NFX1: variants seen among roughly 807,000 people sequenced by gnomAD.
NFX1 encodes the protein transcriptional repressor NF-X1.
NFX1 carries 69 observed loss-of-function variants against 137.2 expected under a neutral mutation model. The ratio of observed to expected loss-of-function variants is 0.50; its 90% CI spans 0.41 to 0.61. The LOEUF (loss-of-function observed/expected upper bound fraction) is 0.61. NFX1 is among the 20% of genes least tolerant of loss of function. NFX1 has a pLI of 0.00. For synonymous variants in NFX1, 495 were observed against 474.1 expected, an observed-to-expected ratio of 1.04 and a Z score of -0.57; for missense variants, 1,167 against 1,391.0, an observed-to-expected ratio of 0.84 and a Z score of 2.56.
intron 7 of NFX1, among the ~76,000 whole-genome samples, chr9:33,315,730 C>CA (rs11452803): frequency 6.1e-5 from 9 of 147,902 alleles, no homozygotes; most frequent in Middle Eastern, 3.4e-3. Flanking sequence ...CTAACAACAA[C>CA]AAAAAAAAAA....
Position 33,332,454 on chromosome 9 carries a change from C to G in NFX1, c.2005-18C>G, listed in dbSNP as rs768210300. ...GTTATTCCTAAAGTAGTTACCATTTCTTTTTCTTTTTCCATAGGAGCTTCC... is the reference window on the plus strand; with the variant it reads ...GTTATTCCTAAAGTAGTTACCATTTGTTTTTCTTTTTCCATAGGAGCTTCC... On this transcript the variant is annotated intron_variant, in intron 10 of 23. Transcript: ENST00000379540. 3.8e-6 allele frequency: 6 copies of G among 1,590,080 alleles called. No individual in the cohort carries two copies. Among genetic ancestry groups the G allele is most frequent in the African/African-American group, 1.3e-5 (1 of 74,482 alleles).
chr9:33,294,200 A>G (rs1180499285), intron 1 of NFX1, among the ~76,000 whole-genome samples: 1 of 152,200 alleles, frequency 6.6e-6, no homozygotes. Context: ...CTTAGCTGTC[A>G]TTGGCTATTG....
chr9:33,307,692 T>A (rs911745094), intron 5 of NFX1, among the ~76,000 whole-genome samples: 1 of 152,094 alleles, frequency 6.6e-6, no homozygotes, highest in South Asian at 2.1e-4. Flanking sequence ...TCCAAGAGAA[T>A]GTATGGGAGA....
chr9:33,325,749 A>G (rs1344687965), intron 9 of NFX1, among the ~76,000 whole-genome samples: 1 of 152,212 alleles, frequency 6.6e-6, no homozygotes, highest in East Asian at 1.9e-4. Flanking sequence ...GATAAAAACA[A>G]AATTTATTGC....
chr9:33,346,973 A>G, intron 14 of NFX1, 65 bp from the exon 15 acceptor site: 1 of 1,271,720 alleles, frequency 7.9e-7, no homozygotes, highest in South Asian at 1.3e-5. Flanking sequence ...CACTTATATG[A>G]TGTATAATGG....
At position 33,297,390 on chromosome 9, in the gene NFX1, G is replaced by A. The variant is rs577433646; in HGVS notation, c.1033+1963G>A. Among the ~76,000 whole-genome samples the A allele has an allele frequency of 2.6e-4, 39 of 152,302 alleles. No individual in the cohort carries two copies. In the South Asian group the frequency reaches 7.9e-3, roughly 31 times the overall value. On this transcript the variant is annotated intron_variant, in intron 2 of 23. Coordinates refer to ENST00000379540, the MANE Select transcript of NFX1 (RefSeq NM_002504.6). ...AACCTCAATGTATATGTGAAGCAAA[G>A]CAATGTTATACCAGAGTTGTTACTG...
intron 23 of NFX1, among the ~76,000 whole-genome samples, chr9:33,369,156 C>T (rs1824255659): frequency 6.6e-6 from 1 of 152,092 alleles, no homozygotes; most frequent in Non-Finnish European, 1.5e-5. Flanking sequence ...AGCTCCGCCT[C>T]CCGGGTTCAT....
At chr9:33,290,730 G>C (rs935414673) in intron 1 of NFX1, 133 bp downstream of exon 1, 2 of 827,368 alleles carry the variant, frequency 2.4e-6, no homozygotes, top group Non-Finnish European at 3.7e-6. Flanking sequence ...TGGCTCGGAA[G>C]GGCCAAGCCC....
chr9:33,342,076 A>C (rs1587859590), intron 12 of NFX1, among the ~76,000 whole-genome samples: 1 of 151,428 alleles, frequency 6.6e-6, no homozygotes, highest in African/African-American at 2.4e-5. Context: ...AGATCGCACC[A>C]CCACACTCCA....
At chr9:33,300,661 A>T (rs1347799110) in intron 2 of NFX1, among the ~76,000 whole-genome samples, 1 of 152,210 alleles carries the variant, frequency 6.6e-6, no homozygotes, top group Non-Finnish European at 1.5e-5. Flanking sequence ...GATTATTCTG[A>T]TACTACACAC....
At chr9:33,338,062 G>C (rs1376204843) in intron 11 of NFX1, among the ~76,000 whole-genome samples, 2 of 141,044 alleles carry the variant, frequency 1.4e-5, no homozygotes, top group African/African-American at 5.2e-5. Context: ...AAAAAAAAAA[G>C]AAAGCAAAAA....
intron 5 of NFX1, among the ~76,000 whole-genome samples, chr9:33,308,232 A>G (rs1051603396): frequency 6.6e-6 from 1 of 152,212 alleles, no homozygotes; most frequent in African/African-American, 2.4e-5. Flanking sequence ...GCTTGAGGCC[A>G]GGAGTTCTAG....
chr9:33,303,764 C>T (rs147638230), intron 4 of NFX1, among the ~76,000 whole-genome samples: 21 of 152,262 alleles, frequency 1.4e-4, no homozygotes, highest in African/African-American at 5.1e-4. Context: ...CTCAGTTCCC[C>T]CAAGTATTAG....
At chr9:33,333,314 A>C (rs1822881769) in intron 11 of NFX1, among the ~76,000 whole-genome samples, 1 of 152,198 alleles carries the variant, frequency 6.6e-6, no homozygotes, top group Non-Finnish European at 1.5e-5. Context: ...ACCCAAGAAA[A>C]AGTGACTTTT....
chr9:33,354,928 C>G (rs1823762510), intron 19 of NFX1, 36 bp downstream of exon 19: 1 of 1,608,914 alleles, frequency 6.2e-7, no homozygotes, highest in African/African-American at 1.3e-5. Context: ...ATCTCCTTGC[C>G]CTTGAGCTCT....
chr9:33,293,205 C>G (rs1234096935), intron 1 of NFX1, among the ~76,000 whole-genome samples: 1 of 152,186 alleles, frequency 6.6e-6, no homozygotes, highest in Non-Finnish European at 1.5e-5. Context: ...TGGGCAAGTT[C>G]CTACTCTCTG....
intron 2 of NFX1, 81 bp downstream of exon 2, chr9:33,295,508 A>C: frequency 7.1e-7 from 1 of 1,399,016 alleles, no homozygotes; most frequent in Non-Finnish European, 9.5e-7. Context: ...CATAATTTAG[A>C]AAGCAGAAAG....
chr9:33,314,898 A>C (rs1180950968), intron 7 of NFX1, among the ~76,000 whole-genome samples: 8 of 152,184 alleles, frequency 5.3e-5, no homozygotes, highest in Non-Finnish European at 1.0e-4. Context: ...TGAATATGTA[A>C]AATATTTGTG....
intron 1 of NFX1, among the ~76,000 whole-genome samples, chr9:33,292,653 T>C (rs556167259): frequency 6.6e-6 from 1 of 152,246 alleles, no homozygotes; most frequent in Non-Finnish European, 1.5e-5. Context: ...TGGGTTTTTT[T>C]CCTGAGGGCT....
Sources: allele counts gnomAD v4.1 joint callset (sites outside exome capture counted in the v4.1 genomes callset), GRCh38; gene constraint gnomAD v4.1.1; transcripts MANE v1.5; gene names NCBI Gene and HGNC (gene_info 2026-07-23, HGNC 2026-07-21).